The following FBN2 variants were observed in gnomAD, a reference collection of about 807,000 sequenced individuals.
FBN2 encodes fibrillin-2.
FBN2 carries 105 observed loss-of-function variants against 355.6 expected under a neutral mutation model. The observed-to-expected ratio is 0.30, with a 90% CI of 0.25 to 0.35. The LOEUF (loss-of-function observed/expected upper bound fraction) is 0.35. FBN2 is among the 10% of genes least tolerant of loss of function. The pLI, the probability that FBN2 is intolerant of heterozygous loss-of-function variation, is 1.00. For missense variants in FBN2, 3,280 were observed against 3,758.7 expected (o/e 0.87, Z 3.33); for synonymous variants, 1,350 against 1,301.2 (o/e 1.04, Z -0.81).
intron 5 of FBN2, among the ~76,000 whole-genome samples, chr5:128,498,440 T>C (rs1021311520): frequency 6.6e-6 from 1 of 152,234 alleles, no homozygotes; most frequent in Non-Finnish European, 1.5e-5. Flanking sequence ...AGTTCAGCTC[T>C]AGGTTTTTAT....
At chr5:128,463,144 A>G (rs1754604543) in intron 6 of FBN2, among the ~76,000 whole-genome samples, 1 of 152,254 alleles carries the variant, frequency 6.6e-6, no homozygotes, top group African/African-American at 2.4e-5. Context: ...ATAATAATCT[A>G]TATCCACTAT....
intron 48 of FBN2, among the ~76,000 whole-genome samples, chr5:128,295,742 A>G (rs1402029298): frequency 1.5e-5 from 2 of 132,624 alleles, no homozygotes; most frequent in African/African-American, 6.2e-5. Flanking sequence ...TTGGGCTGAG[A>G]CAATGGGGTT....
intron 7 of FBN2, among the ~76,000 whole-genome samples, chr5:128,411,145 G>C (rs1460600859): frequency 6.6e-6 from 1 of 152,124 alleles, no homozygotes; most frequent in East Asian, 1.9e-4. Flanking sequence ...AGCAGGTGCA[G>C]GAGCCAGGAT....
chr5:128,282,186 T>C (rs968411643), intron 55 of FBN2, among the ~76,000 whole-genome samples: 9 of 152,192 alleles, frequency 5.9e-5, no homozygotes, highest in African/African-American at 2.2e-4. Flanking sequence ...TTTTTCTCTC[T>C]GGAAGTTTTA....
intron 5 of FBN2, among the ~76,000 whole-genome samples, chr5:128,483,329 A>C (rs1174969256): frequency 6.6e-6 from 1 of 152,202 alleles, no homozygotes; most frequent in Non-Finnish European, 1.5e-5. Context: ...AATTATAAAA[A>C]TAAATAACAG....
chr5:128,423,861 G>A (rs144074418), intron 7 of FBN2, among the ~76,000 whole-genome samples: 3 of 152,286 alleles, frequency 2.0e-5, no homozygotes, highest in African/African-American at 7.2e-5. Context: ...CAGAAATCTA[G>A]AAGAGAGACG....
chr5:128,275,207 A>G (rs946748886), intron 59 of FBN2, among the ~76,000 whole-genome samples: 4 of 152,208 alleles, frequency 2.6e-5, no homozygotes, highest in African/African-American at 4.8e-5. Context: ...CCTACTAATT[A>G]AAAACTCAAA....
At chr5:128,529,612 C>A (rs1454472415) in intron 3 of FBN2, among the ~76,000 whole-genome samples, 1 of 152,160 alleles carries the variant, frequency 6.6e-6, no homozygotes, top group African/African-American at 2.4e-5. Flanking sequence ...GAAACTGAAT[C>A]TTAAAATTCC....
At chr5:128,513,921 C>G (rs754946335) in intron 5 of FBN2, among the ~76,000 whole-genome samples, 1 of 151,882 alleles carries the variant, frequency 6.6e-6, no homozygotes, top group Non-Finnish European at 1.5e-5. Flanking sequence ...GTTAAGTTCC[C>G]ACAGATCTTT....
intron 2 of FBN2, among the ~76,000 whole-genome samples, chr5:128,532,098 A>G (rs1581375710): frequency 6.6e-6 from 1 of 152,268 alleles, no homozygotes; most frequent in Admixed American, 6.5e-5. Flanking sequence ...TCCAGTTCTA[A>G]TGACTTGGCC....
At chr5:128,376,191 T>C (rs1286632633) in intron 14 of FBN2, among the ~76,000 whole-genome samples, 1 of 152,200 alleles carries the variant, frequency 6.6e-6, no homozygotes, top group Admixed American at 6.6e-5. Context: ...ATTAAGGTTA[T>C]CATTAGAGCT....
intron 35 of FBN2, 70 bp downstream of exon 35, chr5:128,318,809 A>C: frequency 1.9e-5 from 29 of 1,541,628 alleles, no homozygotes; most frequent in Non-Finnish European, 2.6e-5. Context: ...AATCTCAGGA[A>C]TTTTTATGCT....
At chr5:128,524,771 T>C (rs1756520173) in intron 4 of FBN2, among the ~76,000 whole-genome samples, 1 of 152,146 alleles carries the variant, frequency 6.6e-6, no homozygotes, top group African/African-American at 2.4e-5. Context: ...TGCTGACAAA[T>C]AAATTGTGTT....
At chr5:128,529,255 G>A (rs1756645343) in intron 3 of FBN2, among the ~76,000 whole-genome samples, 1 of 152,098 alleles carries the variant, frequency 6.6e-6, no homozygotes, top group Non-Finnish European at 1.5e-5. Flanking sequence ...TTCACCCAGG[G>A]AGGGCAGAAC....
At chr5:128,465,330 T>A (rs746559126) in intron 5 of FBN2, among the ~76,000 whole-genome samples, 15 of 152,184 alleles carry the variant, frequency 9.9e-5, no homozygotes, top group Admixed American at 2.6e-4. Flanking sequence ...TGGGATGAAG[T>A]GTGTTTTCTC....
intron 8 of FBN2, among the ~76,000 whole-genome samples, 170 bp downstream of exon 8, chr5:128,408,504 T>C (rs1480250821): frequency 6.6e-6 from 1 of 152,220 alleles, no homozygotes; most frequent in East Asian, 1.9e-4. Context: ...CTGAAGTCTT[T>C]GCAAAGAGTA....
At chr5:128,497,530 G>C (rs1378408115) in intron 5 of FBN2, among the ~76,000 whole-genome samples, 3 of 152,204 alleles carry the variant, frequency 2.0e-5, no homozygotes, top group Admixed American at 1.3e-4. Flanking sequence ...GAACCATCCA[G>C]AACCAGCACG....
intron 7 of FBN2, among the ~76,000 whole-genome samples, chr5:128,420,114 T>A (rs959533552): frequency 7.9e-5 from 12 of 152,192 alleles, no homozygotes; most frequent in Non-Finnish European, 1.0e-4. Flanking sequence ...TGGTATTTTT[T>A]AAAAAATGTA....
intron 19 of FBN2, among the ~76,000 whole-genome samples, chr5:128,360,673 G>A (rs1321994995): frequency 1.3e-5 from 2 of 151,688 alleles, no homozygotes; most frequent in African/African-American, 4.8e-5. Context: ...AGTCATTCAT[G>A]TTTTGGCATC....
Sources: gnomAD v4.1 joint callset for allele counts (sites outside exome capture counted in the v4.1 genomes callset) on GRCh38, gnomAD v4.1.1 for gene constraint, MANE v1.5 for transcripts, NCBI Gene and HGNC (gene_info 2026-07-23, HGNC 2026-07-21) for gene names.